ATP2B2: variants seen among roughly 807,000 people sequenced by gnomAD.
The protein encoded by ATP2B2 is ATPase plasma membrane Ca2+ transporting 2.
A neutral mutation model predicts 120.0 loss-of-function variants in ATP2B2; 15 were observed. The ratio of observed to expected loss-of-function variants is 0.12; its 90% CI spans 0.08 to 0.19. ATP2B2 has a LOEUF of 0.19. ATP2B2 is among the 10% of genes least tolerant of loss of function. ATP2B2 has a pLI of 1.00. For synonymous variants in ATP2B2, 694 were observed against 700.3 expected, an observed-to-expected ratio of 0.99 and a Z score of 0.14; for missense variants, 1,045 against 1,719.8, an observed-to-expected ratio of 0.61 and a Z score of 6.94.
chr3:10,395,563 GA>G (rs2062008794), intron 5 of ATP2B2, among the ~76,000 whole-genome samples: 1 of 152,240 alleles, frequency 6.6e-6, no homozygotes, highest in Non-Finnish European at 1.5e-5. Flanking sequence ...AGCAACAGCC[GA>G]ATCAGAGTGA....
At chr3:10,590,173 T>C (rs67403848) in intron 2 of ATP2B2, among the ~76,000 whole-genome samples, 5,489 of 152,256 alleles carry the variant, frequency 0.036, 150 homozygotes, top group South Asian at 0.11. Flanking sequence ...AAAGCTTACA[T>C]TGATATGATA....
rs529888204 is a variant in ATP2B2, at chr3:10,434,892, G to A, written c.199+14453C>T. Among the ~76,000 whole-genome samples the A allele has an allele frequency of 3.9e-5, 6 of 152,350 alleles. No individual in the cohort carries two copies. The South Asian group carries it at 1.0e-3, about 26-fold the overall frequency. ...CATTGGCAGATCAGGTATCTTCCTG[G>A]CCCCTCCCCTGGCCCCTCTTCCTCA... is the stretch of plus-strand genomic sequence containing the variant. On this transcript the variant is annotated intron_variant, in intron 2 of 22. Transcript: ENST00000360273.
chr3:10,341,260 C>T (rs2060267753), intron 19 of ATP2B2, among the ~76,000 whole-genome samples: 1 of 152,188 alleles, frequency 6.6e-6, no homozygotes. Flanking sequence ...CAGGGCACTG[C>T]TGTGTAGACG....
At chr3:10,512,107 G>A (rs574118279) in intron 3 of ATP2B2, among the ~76,000 whole-genome samples, 1 of 152,178 alleles carries the variant, frequency 6.6e-6, no homozygotes, top group Non-Finnish European at 1.5e-5. Context: ...CAGAGAGGGT[G>A]TGTGGCTTGT....
intron 1 of ATP2B2, among the ~76,000 whole-genome samples, chr3:10,682,322 T>C (rs181972761): frequency 3.1e-4 from 47 of 152,282 alleles, no homozygotes; most frequent in African/African-American, 1.1e-3. Context: ...GACTCCCAGA[T>C]TAAAACCTGA....
At chr3:10,386,093 C>T (rs559340673) in intron 7 of ATP2B2, among the ~76,000 whole-genome samples, 1 of 152,192 alleles carries the variant, frequency 6.6e-6, no homozygotes, top group South Asian at 2.1e-4. Context: ...AGAGGCCCCA[C>T]TGGGTGAAGC....
Position 10,418,486 on chromosome 3 carries a change from C to A in ATP2B2, c.200-7671G>T, listed in dbSNP as rs80136781. Among the ~76,000 whole-genome samples the A allele has an allele frequency of 7.9e-3, 1,204 of 152,284 alleles. 13 individuals carry two copies. The highest frequency in any genetic ancestry group is 0.028 in the African/African-American group (1,148 of 41,554). On this transcript the variant is annotated intron_variant, in intron 2 of 22. Transcript: ENST00000360273. ...CTTCCCATGTGTGGGGCACCTCACA[C>A]TGAGAGGCTGGGCTGTATCAAAAGT...
At chr3:10,662,544 G>A (rs112804343) in intron 1 of ATP2B2, among the ~76,000 whole-genome samples, 15,407 of 127,386 alleles carry the variant, frequency 0.12, 2,104 homozygotes, top group African/African-American at 0.34. Context: ...ACAATGAGAT[G>A]CCATCTCACA....
intron 22 of ATP2B2, among the ~76,000 whole-genome samples, chr3:10,333,027 G>A (rs2060022702): frequency 6.6e-6 from 1 of 152,138 alleles, no homozygotes; most frequent in Non-Finnish European, 1.5e-5. Flanking sequence ...TTGTGACTGC[G>A]GTCAGGCTTA....
intron 1 of ATP2B2, among the ~76,000 whole-genome samples, chr3:10,664,240 T>C (rs1350055705): frequency 1.3e-5 from 2 of 152,106 alleles, no homozygotes; most frequent in Non-Finnish European, 2.9e-5. Context: ...AGCATGTTTC[T>C]AATGAGAAGA....
intron 1 of ATP2B2, among the ~76,000 whole-genome samples, chr3:10,679,278 G>T (rs889112458): frequency 1.3e-5 from 2 of 152,320 alleles, no homozygotes; most frequent in South Asian, 2.1e-4. Flanking sequence ...GTGGTAAGTT[G>T]TTATGCAGCA....
In ATP2B2 at chr3:10,649,740, T is replaced by G. The variant is rs867824933; in HGVS notation, c.-459-29779A>C. On this transcript the variant is annotated intron_variant, in intron 1 of 21. Coordinates refer to the ATP2B2 transcript ENST00000646379. ...GTTGTGGGAGGGACCTGGTGGGAGGTAATTGAATCATGGGGGCGGGTGTTT... is the reference window on the plus strand; with the variant it reads ...GTTGTGGGAGGGACCTGGTGGGAGGGAATTGAATCATGGGGGCGGGTGTTT... Among the ~76,000 whole-genome samples, 5 of 152,112 alleles carry G rather than the reference T, an allele frequency of 3.3e-5. No homozygotes were observed. In the South Asian group the frequency reaches 6.2e-4, roughly 19 times the overall value.
At chr3:10,612,612 G>A (rs548085114) in intron 2 of ATP2B2, among the ~76,000 whole-genome samples, 9 of 152,196 alleles carry the variant, frequency 5.9e-5, no homozygotes, top group Admixed American at 3.9e-4. Context: ...CAGCCCCATG[G>A]CTTTAAATAC....
At chr3:10,419,657 G>A (rs1007057738) in intron 2 of ATP2B2, among the ~76,000 whole-genome samples, 10 of 152,344 alleles carry the variant, frequency 6.6e-5, no homozygotes, top group Middle Eastern at 3.4e-3. Flanking sequence ...CCAAGGCTCT[G>A]ACAGTGCTTT....
intron 2 of ATP2B2, among the ~76,000 whole-genome samples, chr3:10,554,344 G>A (rs2067734312): frequency 6.6e-6 from 1 of 152,166 alleles, no homozygotes; most frequent in Admixed American, 6.5e-5. Context: ...AACCCCCAGA[G>A]CCTGTGAATA....
At chr3:10,398,819 G>GA (rs1230216230) in intron 5 of ATP2B2, among the ~76,000 whole-genome samples, 4 of 152,176 alleles carry the variant, frequency 2.6e-5, no homozygotes, top group Non-Finnish European at 4.4e-5. Flanking sequence ...TTCTTGTCCT[G>GA]AAATCTCCTG....
intron 12 of ATP2B2, among the ~76,000 whole-genome samples, chr3:10,370,281 C>A (rs960061777): frequency 1.3e-5 from 2 of 152,260 alleles, no homozygotes; most frequent in Admixed American, 1.3e-4. Context: ...CAGGGCTGTG[C>A]CCACATGGCT....
rs183143781 is a variant in ATP2B2 at position 10,427,277 on chromosome 3, A to C, written c.200-16462T>G. Among the ~76,000 whole-genome samples the C allele has an allele frequency of 2.0e-5, 3 of 152,254 alleles. No homozygotes were observed. The East Asian group carries it at 5.8e-4, about 29-fold the overall frequency. ...CAAACTAATTGTTTCCTTCAAATCT[A>C]TTCCTCTTTCAGATTATATTGATCA... On this transcript the variant is annotated intron_variant, in intron 2 of 22. Coordinates refer to ENST00000360273, the MANE Select transcript of ATP2B2 (RefSeq NM_001001331.4).
chr3:10,495,283 T>A (rs1051954546), intron 1 of ATP2B2, among the ~76,000 whole-genome samples: 5 of 152,104 alleles, frequency 3.3e-5, no homozygotes, highest in African/African-American at 1.2e-4. Flanking sequence ...ATGGACAGGG[T>A]GCTGGGCTTT....
Sources: allele counts gnomAD v4.1 joint callset (sites outside exome capture counted in the v4.1 genomes callset), GRCh38; gene constraint gnomAD v4.1.1; transcripts MANE v1.5; gene names NCBI Gene and HGNC (gene_info 2026-07-23, HGNC 2026-07-21).